Variants in LDLRAD2 observed in about 807,000 individuals in gnomAD.
LDLRAD2 encodes the protein low-density lipoprotein receptor class A domain-containing protein 2.
Under a neutral mutation model 24.9 loss-of-function variants are expected in LDLRAD2, and 25 were observed. The ratio of observed to expected loss-of-function variants is 1.00; its 90% CI spans 0.73 to 1.40. The LOEUF is 1.40. Among genes scored for constraint, LDLRAD2 ranks in the 40% most tolerant of loss-of-function variants. The probability of loss-of-function intolerance (pLI) is 0.00; values close to 1 mark genes in which losing one functional copy is unlikely to be tolerated. For missense variants in LDLRAD2, 391 were observed against 366.2 expected, an observed-to-expected ratio of 1.07 and a Z score of -0.55; for synonymous variants, 182 against 166.7, an observed-to-expected ratio of 1.09 and a Z score of -0.71.
In LDLRAD2 at chr1:21,814,569, T is replaced by C; in HGVS notation, c.257T>C (p.Val86Ala). The C allele has an allele frequency of 6.2e-7, 1 of 1,612,228 alleles. No individual in the cohort carries two copies. Among genetic ancestry groups the C allele is most frequent in the Non-Finnish European group, 8.5e-7 (1 of 1,179,458 alleles). Residue 86 changes from valine (V) to alanine (A), a missense_variant, in exon 2 of 5, where the codon GTC becomes GCC. Coordinates refer to ENST00000344642, the MANE Select transcript of LDLRAD2 (RefSeq NM_001013693.3). ...RIRFQFRFFL[V>A]YSLTPAPPAL... ...CGCTTCCAGTTCCGCTTCTTCCTGGTCTACAGCCTGACCCCCGCGCCCCCG... is the reference window on the plus strand; with the variant it reads ...CGCTTCCAGTTCCGCTTCTTCCTGGCCTACAGCCTGACCCCCGCGCCCCCG...
In LDLRAD2 at chr1:21,824,699, C is replaced by A. The variant is rs756685063; in HGVS notation, c.*2484C>A. On this transcript the variant is annotated 3_prime_UTR_variant, in exon 5 of 5. Coordinates refer to ENST00000344642, the MANE Select transcript of LDLRAD2 (RefSeq NM_001013693.3). The surrounding 1 kb of genome is among the most constrained non-coding windows in gnomAD (Gnocchi z 5.9). ...GCCCATGGGCCCTTCCAATGCCAGT[C>A]TCACCTCCTGGAGAAGACATGGCCA... 3 of 1,613,698 alleles carry A rather than the reference C, an allele frequency of 1.9e-6. No homozygotes were observed. The highest frequency in any genetic ancestry group is 2.5e-6 in the Non-Finnish European group (3 of 1,179,832).
intron 3 of LDLRAD2, among the ~76,000 whole-genome samples, chr1:21,816,822 G>A (rs1016288079): frequency 5.3e-5 from 8 of 152,158 alleles, no homozygotes; most frequent in African/African-American, 1.9e-4. Flanking sequence ...TTTGTGCCAT[G>A]AGACCCAGGT....
chr1:21,818,968 C>T (rs138267375), intron 3 of LDLRAD2, among the ~76,000 whole-genome samples: 2,962 of 147,096 alleles, frequency 0.02, 46 homozygotes, highest in South Asian at 0.041. Context: ...CTGGCCTTTG[C>T]AGTAGCTGTG....
rs1307408429 is a variant in LDLRAD2 at position 21,821,557 on chromosome 1, G to A, written c.751G>A (p.Glu251Lys). The A allele has an allele frequency of 1.9e-6, 3 of 1,614,140 alleles. No individual in the cohort carries two copies. Among genetic ancestry groups the A allele is most frequent in the Non-Finnish European group, 2.5e-6 (3 of 1,180,028 alleles). The part of the protein sequence containing the change: ...GSAGSLWIAA[E>K]RSSPAGRDPT... ...TGCAGGATCCCTCTGGATTGCAGCT[G>A]AGAGGAGTTCCCCAGCAGGCAGGGA... Residue 251 changes from glutamate (E) to lysine (K), a missense_variant, in exon 4 of 5, where the codon GAG becomes AAG. By Grantham distance (56) the Glu-to-Lys change is moderately conservative (BLOSUM62 1). Coordinates refer to ENST00000344642, the MANE Select transcript of LDLRAD2 (RefSeq NM_001013693.3).
At chr1:21,819,796 G>A (rs2097948338) in intron 3 of LDLRAD2, among the ~76,000 whole-genome samples, 1 of 152,048 alleles carries the variant, frequency 6.6e-6, no homozygotes, top group African/African-American at 2.4e-5. Context: ...CCTGAGACTG[G>A]GTACTTTATA....
chr1:21,815,865 C>A, intron 2 of LDLRAD2, 78 bp from the exon 3 acceptor site: 1 of 1,558,586 alleles, frequency 6.4e-7, no homozygotes, highest in South Asian at 1.2e-5. Context: ...CCCACACTGT[C>A]ACCATGGGGG....
At chr1:21,815,879 C>T in intron 2 of LDLRAD2, 64 bp from the exon 3 acceptor site, 1 of 1,587,020 alleles carries the variant, frequency 6.3e-7, no homozygotes, top group Non-Finnish European at 8.6e-7. Context: ...ATGGGGGCCA[C>T]ACATCCTGCT....
Position 21,822,398 on chromosome 1 carries a change from C to T in LDLRAD2, c.*183C>T, listed in dbSNP as rs571768232. 1.7e-5 allele frequency: 11 copies of T among 635,392 alleles called. No individual in the cohort carries two copies. The East Asian group carries it at 2.2e-4, about 13-fold the overall frequency. The allele number at this position is 635,392 out of a possible 1,614,324, so 39.4% of individuals were successfully genotyped here. A position where few individuals can be genotyped will look rare whatever the true frequency, so the allele number is the denominator to read the frequency against. The stretch of plus-strand genomic sequence containing the variant: ...GATCTTCAGGCTCCTGCAGATGGGG[C>T]AGGGTGGTCATATCCCCCTCCTCTC... On this transcript the variant is annotated 3_prime_UTR_variant, in exon 5 of 5. Coordinates refer to ENST00000344642, the MANE Select transcript of LDLRAD2 (RefSeq NM_001013693.3).
At chr1:21,818,083 G>A (rs1439439530) in intron 3 of LDLRAD2, among the ~76,000 whole-genome samples, 2 of 126,752 alleles carry the variant, frequency 1.6e-5, no homozygotes, top group Non-Finnish European at 1.6e-5. Context: ...CTCCATGTTG[G>A]ACAGGCTGGT....
At position 21,824,165 on chromosome 1, in the gene LDLRAD2, C is replaced by A. The variant is rs745491336; in HGVS notation, c.*1950C>A. 3.1e-6 allele frequency: 5 copies of A among 1,613,760 alleles called. No individual in the cohort carries two copies. The highest frequency in any genetic ancestry group is 2.5e-6 in the Non-Finnish European group (3 of 1,180,030). ...GCCACTCGCCGTCATTGATGGGGTC[C>A]TCAGAGACCAGGCGGGCCTCCCCAC... On this transcript the variant is annotated 3_prime_UTR_variant, in exon 5 of 5. Transcript: ENST00000344642. The surrounding 1 kb of genome is among the most constrained non-coding windows in gnomAD (Gnocchi z 5.9).
Position 21,823,768 on chromosome 1 carries a change from CCCGG to C in LDLRAD2, c.*1556_*1559del. 7.0e-7 allele frequency: 1 copy of C among 1,433,270 alleles called. No individual in the cohort carries two copies. The highest frequency in any genetic ancestry group is 9.8e-7 in the Non-Finnish European group (1 of 1,019,890). 88.8% of individuals were successfully genotyped at this position (1,433,270 alleles called of 1,614,324 possible). A position where few individuals can be genotyped will look rare whatever the true frequency, so the allele number is the denominator to read the frequency against. On this transcript the variant is annotated 3_prime_UTR_variant, in exon 5 of 5. Transcript: ENST00000344642. ...CCTTTCCACAAACTTCCTGGTCCTC[CCCGG>C]CCCCACGACAGAGTCCCCTCCCTCT... is the stretch of plus-strand genomic sequence containing the variant.
Position 21,814,615 on chromosome 1 carries a change from G to A in LDLRAD2, c.303G>A (p.Pro101=), listed in dbSNP as rs757341187. ...CCCCGGCGCTCAACACCTCCTCCCC[G>A]GCCCCGGCCGACCCGTGCGCCCCCG... ...PAPPALNTSS[P]APADPCAPGS... The change falls in exon 2 of 5, where the codon CCG becomes CCA. Residue 101 remains proline, a synonymous_variant. Transcript: ENST00000344642. The A allele has an allele frequency of 1.2e-4, 192 of 1,609,880 alleles. No homozygotes were observed. The highest frequency in any genetic ancestry group is 1.6e-4 in the Non-Finnish European group (186 of 1,178,408).
rs558797081 is a variant in LDLRAD2, at chr1:21,816,158, G to C, written c.643+84G>C. ...CTCCCCTTCCCTAGGGCAGGGCCCC[G>C]ATGGGGAGGCAGGAGAGAGGAAAGC... On this transcript the variant is annotated intron_variant, in intron 3 of 4. Transcript: ENST00000344642. The C allele has an allele frequency of 2.0e-6, 3 of 1,536,504 alleles. No individual in the cohort carries two copies. The Admixed American group carries it at 5.7e-5, about 29-fold the overall frequency.
rs2097942098 is a variant in LDLRAD2, at chr1:21,814,716, T to A, written c.404T>A (p.Ile135Asn). 1.1e-5 allele frequency: 17 copies of A among 1,557,302 alleles called. No homozygotes were observed. Among genetic ancestry groups the A allele is most frequent in the Non-Finnish European group, 1.5e-5 (17 of 1,152,734 alleles). ...GGGTCCCCACTGTGCGGCCTGAACA[T>A]CCCGGTGCCTGTGGCATCCTCCGGA... is the stretch of plus-strand genomic sequence containing the variant. Reference protein sequence around the residue: ...PLGSPLCGLNIPVPVASSGPF... With the variant: ...PLGSPLCGLNNPVPVASSGPF... Residue 135 changes from isoleucine to asparagine, a missense_variant, in exon 2 of 5, where the codon ATC becomes AAC. Transcript: ENST00000344642.
chr1:21,821,631 C>A lies in LDLRAD2; in HGVS notation c.805+20C>A. 1 of 1,610,356 alleles carries A rather than the reference C, an allele frequency of 6.2e-7. No individual in the cohort carries two copies. Among genetic ancestry groups the A allele is most frequent in the Non-Finnish European group, 8.5e-7 (1 of 1,177,144 alleles). ...TGGAAGGTTACACCTTGCTCCTACT[C>A]TTCCCACCAAAATCATACCTGTCCC... On this transcript the variant is annotated intron_variant, in intron 4 of 4. Coordinates refer to ENST00000344642, the MANE Select transcript of LDLRAD2 (RefSeq NM_001013693.3).
intron 4 of LDLRAD2, 74 bp downstream of exon 4, chr1:21,821,685 A>G: frequency 1.3e-6 from 2 of 1,577,288 alleles, no homozygotes; most frequent in Non-Finnish European, 1.7e-6. Context: ...GGGGCAGAGG[A>G]CCCAGGCCGA....
At position 21,814,725 on chromosome 1, in the gene LDLRAD2, C is replaced by T. The variant is rs776522816; in HGVS notation, c.413C>T (p.Pro138Leu). The change falls in exon 2 of 5, where the codon CCT becomes CTT. Residue 138 changes from proline to leucine, a missense_variant. Pro to Leu is a moderately conservative substitution (Grantham distance 98). Transcript: ENST00000344642. ...SPLCGLNIPVPVASSGPFLGL... is the reference protein window; with the variant it reads ...SPLCGLNIPVLVASSGPFLGL... ...CTGTGCGGCCTGAACATCCCGGTGC[C>T]TGTGGCATCCTCCGGACCCTTTCTA... 1.9e-6 allele frequency: 3 copies of T among 1,554,996 alleles called. No homozygotes were observed. The South Asian group carries it at 3.5e-5, about 18-fold the overall frequency.
At position 21,812,425 on chromosome 1, in the gene LDLRAD2, C is replaced by T. The variant is rs1233871392; in HGVS notation, c.-27C>T. The T allele has an allele frequency of 3.1e-6, 5 of 1,594,410 alleles. No homozygotes were observed. Among genetic ancestry groups the T allele is most frequent in the Non-Finnish European group, 3.4e-6 (4 of 1,162,476 alleles). On this transcript the variant is annotated 5_prime_UTR_variant, in exon 1 of 5. Transcript: ENST00000344642. ...CAAGCTGAAGATTCTGTGGGTCTGC[C>T]CCATTGCTGGGCACAGCAGAGCCTG...
chr1:21,824,407 C>G lies in LDLRAD2; in HGVS notation c.*2192C>G. 6.2e-7 allele frequency: 1 copy of G among 1,612,612 alleles called. No individual in the cohort carries two copies. The highest frequency in any genetic ancestry group is 1.1e-5 in the South Asian group (1 of 91,058). On this transcript the variant is annotated 3_prime_UTR_variant, in exon 5 of 5. Transcript: ENST00000344642. This position sits in a 1 kb window ranked among gnomAD's most constrained non-coding sequence, Gnocchi z 5.9. ...AGGGAAGCACAGGGTCTCTGGGGTC[C>G]CCAGCCTGGAGAGCAGAGGCTGCCG...
Sources: gnomAD v4.1 joint callset for allele counts (sites outside exome capture counted in the v4.1 genomes callset) on GRCh38, gnomAD v4.1.1 for gene constraint, Gnocchi (gnomAD v3.1) non-coding constraint, MANE v1.5 for transcripts, NCBI Gene and HGNC (gene_info 2026-07-23, HGNC 2026-07-21) for gene names.